TRIM49C: variants seen among roughly 807,000 people sequenced by gnomAD.
The protein encoded by TRIM49C is tripartite motif-containing protein 49C.
A neutral mutation model predicts 21.4 loss-of-function variants in TRIM49C; 6 were observed. The observed-to-expected ratio is 0.28, with a 90% CI of 0.15 to 0.55. The LOEUF is 0.55. Among genes scored for constraint, TRIM49C ranks in the 20% least tolerant of loss-of-function variants. TRIM49C has a pLI of 0.94. For missense variants in TRIM49C, 161 were observed against 442.4 expected, an observed-to-expected ratio of 0.36 and a Z score of 5.71; for synonymous variants, 57 against 148.1, an observed-to-expected ratio of 0.38 and a Z score of 4.47.
rs1950697836 is a variant in TRIM49C, at chr11:90,032,991, G to A, written c.-5+409G>A. Among the ~76,000 whole-genome samples, 4 of 115,990 alleles carry A rather than the reference G, an allele frequency of 3.4e-5. No individual in the cohort carries two copies. In the South Asian group the frequency reaches 1.3e-3, roughly 37 times the overall value. 76.1% of individuals were successfully genotyped at this position (115,990 alleles called of 152,430 possible). ...TTAGACATGACTTTAAATTAGTAAGGTAATGATGAGCGATGCAAAATAGTG... is the reference window on the plus strand; with the variant it reads ...TTAGACATGACTTTAAATTAGTAAGATAATGATGAGCGATGCAAAATAGTG... On this transcript the variant is annotated intron_variant, in intron 2 of 7. Coordinates refer to ENST00000448984, the MANE Select transcript of TRIM49C (RefSeq NM_001195234.1).
Position 90,034,596 on chromosome 11 carries a change from T to C in TRIM49C, c.-4-612T>C, listed in dbSNP as rs183785810. Reference sequence around the variant, plus strand: ...ATTGCAGTCTTTTTCTTTGTTTATTTGGTTGGTTGGCTTTTTTTAAATTTT... The same window carrying C: ...ATTGCAGTCTTTTTCTTTGTTTATTCGGTTGGTTGGCTTTTTTTAAATTTT... On this transcript the variant is annotated intron_variant, in intron 2 of 7. Transcript: ENST00000448984. Among the ~76,000 whole-genome samples, 500 of 113,468 alleles carry C rather than the reference T, an allele frequency of 4.4e-3. 29 individuals carry two copies. The highest frequency in any genetic ancestry group is 0.022 in the African/African-American group (480 of 21,738). 74.4% of individuals were successfully genotyped at this position (113,468 alleles called of 152,430 possible). A position where few individuals can be genotyped will look rare whatever the true frequency, so the allele number is the denominator to read the frequency against.
At chr11:90,063,181 A>C in the TRIM49C span, among the ~76,000 whole-genome samples, 2 of 122,554 alleles carry the variant, frequency 1.6e-5, no homozygotes, top group Non-Finnish European at 3.3e-5. Context: ...TGGATTTATA[A>C]AGTTTTCGCT....
At chr11:90,046,238 C>A (rs533809597), downstream of TRIM49C, among the ~76,000 whole-genome samples, 6 of 125,444 alleles carry the variant, frequency 4.8e-5, 2 homozygotes, top group African/African-American at 6.4e-5. Context: ...GTCTAAAATT[C>A]TCTTTTTTTG....
the TRIM49C span, among the ~76,000 whole-genome samples, chr11:90,070,171 T>C: frequency 2.3e-5 from 2 of 88,056 alleles, no homozygotes; most frequent in Non-Finnish European, 4.3e-5. Flanking sequence ...TGAGTTTCTC[T>C]CCTGTGCTCC....
chr11:90,033,951 A>T (rs1174053862), intron 2 of TRIM49C, among the ~76,000 whole-genome samples: 3 of 112,742 alleles, frequency 2.7e-5, no homozygotes, highest in Non-Finnish European at 4.9e-5. Flanking sequence ...GTCTCAAAAA[A>T]AAAAACAAAA....
At chr11:90,053,160 C>T in the TRIM49C span, 1 of 139,460 alleles carries the variant, frequency 7.2e-6, no homozygotes, top group African/African-American at 2.6e-5. Flanking sequence ...GCCTGGCAGC[C>T]TGTTTCCACC....
chr11:90,040,880 TTTTG>T (rs1413768460), intron 7 of TRIM49C, among the ~76,000 whole-genome samples, 167 bp from the exon 8 acceptor site: 2 of 149,172 alleles, frequency 1.3e-5, no homozygotes, highest in Non-Finnish European at 1.5e-5. Flanking sequence ...GTGGTTAGGG[TTTTG>T]TTTGTCTTGT....
At position 90,041,233 on chromosome 11, in the gene TRIM49C, G is replaced by T; in HGVS notation, c.1042G>T (p.Gly348Trp). ...SGKYYWEVHV[G>W]DSWNWAFGVC... ...CAAATATTACTGGGAGGTCCATGTAGGGGACTCCTGGAATTGGGCTTTTGG... is the reference window on the plus strand; with the variant it reads ...CAAATATTACTGGGAGGTCCATGTATGGGACTCCTGGAATTGGGCTTTTGG... Residue 348 changes from glycine (G) to tryptophan (W), a missense_variant, in exon 8 of 8, where the codon GGG becomes TGG. By Grantham distance (184) the Gly-to-Trp change is radical. Transcript: ENST00000448984. The T allele has an allele frequency of 6.3e-7, 1 of 1,586,410 alleles. No individual in the cohort carries two copies.
chr11:90,071,755 C>G, the TRIM49C span: 8 of 1,222,798 alleles, frequency 6.5e-6, 1 homozygote, highest in East Asian at 2.9e-5. Flanking sequence ...CCTACAGGGC[C>G]CATCACAGGA....
chr11:90,046,033 A>G (rs1269549225), downstream of TRIM49C, among the ~76,000 whole-genome samples: 1 of 121,862 alleles, frequency 8.2e-6, no homozygotes, highest in Non-Finnish European at 1.7e-5. Context: ...ATCTATTGAG[A>G]TAATCACGTG....
the TRIM49C span, among the ~76,000 whole-genome samples, chr11:90,072,505 C>T: frequency 3.6e-5 from 5 of 138,106 alleles, no homozygotes; most frequent in African/African-American, 1.3e-4. Context: ...TTCTGGAAAG[C>T]GATAACTTTT....
the TRIM49C span, among the ~76,000 whole-genome samples, chr11:90,065,879 C>G: frequency 0.059 from 7,980 of 134,536 alleles, 1,243 homozygotes; most frequent in Non-Finnish European, 0.069. Flanking sequence ...TCACTTGAAC[C>G]TGGGAGGCAG....
downstream of TRIM49C, among the ~76,000 whole-genome samples, chr11:90,045,111 C>T (rs1487425077): frequency 7.5e-6 from 1 of 133,564 alleles, no homozygotes; most frequent in Non-Finnish European, 1.6e-5. Context: ...TTTCTGAGGG[C>T]TCTGTTCTAT....
the TRIM49C span, chr11:90,052,090 T>G: frequency 3.7e-6 from 2 of 546,278 alleles, no homozygotes; most frequent in Non-Finnish European, 6.0e-6. Flanking sequence ...CCGCAGGCGC[T>G]GCAGGGGCAG....
chr11:90,052,097 G>C, the TRIM49C span: 2 of 536,722 alleles, frequency 3.7e-6, 1 homozygote, highest in South Asian at 4.9e-5. Context: ...CGCTGCAGGG[G>C]CAGGAGGCTG....
chr11:90,041,652 T>A lies in TRIM49C; in HGVS notation c.*102T>A. ...ACATACAGGACAAATAGGCTCTATT[T>A]TATGTCTTGAATTGCCTTCTAATGT... On this transcript the variant is annotated 3_prime_UTR_variant, in exon 8 of 8. Transcript: ENST00000448984. 1 of 569,646 alleles carries A rather than the reference T, an allele frequency of 1.8e-6. No homozygotes were observed. Among genetic ancestry groups the A allele is most frequent in the South Asian group, 2.5e-5 (1 of 39,354 alleles). The allele number at this position is 569,646 out of a possible 1,614,324, so 35.3% of individuals were successfully genotyped here.
the TRIM49C span, among the ~76,000 whole-genome samples, chr11:90,048,334 T>C: frequency 4.2e-5 from 5 of 118,036 alleles, 1 homozygote; most frequent in East Asian, 1.3e-3. Flanking sequence ...AGGTTGGGGA[T>C]GTTCTCCTGG....
chr11:90,056,088 A>C, the TRIM49C span, among the ~76,000 whole-genome samples: 1 of 134,014 alleles, frequency 7.5e-6, no homozygotes, highest in Non-Finnish European at 1.6e-5. Context: ...CCTCCCGAGT[A>C]GCTGGGACTA....
chr11:90,052,155 G>A, the TRIM49C span: 1 of 392,334 alleles, frequency 2.5e-6, no homozygotes, highest in Non-Finnish European at 4.5e-6. Context: ...CCGGCAGCGG[G>A]GCAGGTGGGA....
Sources: gnomAD v4.1 joint callset for allele counts (sites outside exome capture counted in the v4.1 genomes callset) on GRCh38, gnomAD v4.1.1 for gene constraint, MANE v1.5 for transcripts, NCBI Gene and HGNC (gene_info 2026-07-23, HGNC 2026-07-21) for gene names.